SAMD12: variants seen among roughly 807,000 people sequenced by gnomAD.
SAMD12 encodes the protein sterile alpha motif domain containing 12, also known as sterile alpha motif domain-containing protein 12.
SAMD12 carries 9 observed loss-of-function variants against 15.0 expected under a neutral mutation model. That is an observed-to-expected ratio of 0.60 (90% CI 0.36 to 1.05). SAMD12 has a LOEUF of 1.05. Ranked by LOEUF, SAMD12 falls within the 50% of genes least tolerant of loss-of-function variation. The pLI is 0.01. For missense variants in SAMD12, 230 were observed against 234.2 expected (o/e 0.98, Z 0.12); for synonymous variants, 86 against 90.1 (o/e 0.96, Z 0.25).
At chr8:118,285,549 T>A (rs1027314993) in intron 4 of SAMD12, among the ~76,000 whole-genome samples, 2 of 152,186 alleles carry the variant, frequency 1.3e-5, no homozygotes, top group Non-Finnish European at 2.9e-5. Flanking sequence ...ATCCCTTCAA[T>A]GAACGCCCAC....
chr8:118,596,943 C>T (rs1827738543), intron 1 of SAMD12, among the ~76,000 whole-genome samples: 1 of 152,140 alleles, frequency 6.6e-6, no homozygotes, highest in Non-Finnish European at 1.5e-5. Context: ...AGACAGGAAA[C>T]CCCCACCTAG....
chr8:118,257,346 A>G (rs1201409040), intron 4 of SAMD12, among the ~76,000 whole-genome samples: 2 of 152,078 alleles, frequency 1.3e-5, no homozygotes, highest in African/African-American at 2.4e-5. Context: ...CCAGTGACCT[A>G]TCTGAAATGC....
chr8:118,225,133 A>G (rs1415238603), intron 4 of SAMD12, among the ~76,000 whole-genome samples: 3 of 152,202 alleles, frequency 2.0e-5, no homozygotes, highest in Non-Finnish European at 4.4e-5. Flanking sequence ...CTCAGGGGAT[A>G]AGACATTTTT....
chr8:118,610,506 G>C (rs890105832), intron 1 of SAMD12, among the ~76,000 whole-genome samples: 6 of 152,122 alleles, frequency 3.9e-5, no homozygotes, highest in Non-Finnish European at 7.4e-5. Context: ...ATCTTCTCTG[G>C]AGCTAAATTC....
intron 3 of SAMD12, among the ~76,000 whole-genome samples, chr8:118,386,162 T>C (rs192102195): frequency 1.7e-4 from 26 of 152,302 alleles, no homozygotes; most frequent in African/African-American, 5.8e-4. Flanking sequence ...TAGAAATTTA[T>C]TCCTCAGAGT....
At chr8:118,354,680 G>A (rs774762849) in intron 4 of SAMD12, among the ~76,000 whole-genome samples, 36 of 152,202 alleles carry the variant, frequency 2.4e-4, no homozygotes, top group Non-Finnish European at 4.9e-4. Flanking sequence ...CTGCTATGCT[G>A]AACAGTGCAG....
At position 118,533,431 on chromosome 8, in the gene SAMD12, A is replaced by C. The variant is rs530044914; in HGVS notation, c.192+47284T>G. Reference sequence around the variant, plus strand: ...TGTATATTCTGTTGATTTGGGGTGGAGAGTTCTGTAGATGTCTATTAGGTC... The same window carrying C: ...TGTATATTCTGTTGATTTGGGGTGGCGAGTTCTGTAGATGTCTATTAGGTC... On this transcript the variant is annotated intron_variant, in intron 2 of 3. Coordinates refer to ENST00000314727, the MANE Select transcript of SAMD12 (RefSeq NM_207506.3). 1.3e-3 allele frequency among the ~76,000 whole-genome samples: 194 copies of C among 152,270 alleles called. 1 individual carries two copies. Among genetic ancestry groups the C allele is most frequent in the African/African-American group, 4.4e-3 (183 of 41,554 alleles).
In SAMD12 at chr8:118,206,441, G is replaced by A. The variant is rs149710094; in HGVS notation, c.434-8709C>T. On this transcript the variant is annotated intron_variant, in intron 4 of 4. Coordinates refer to the SAMD12 transcript ENST00000409003. ...ATTTAGAGTGAGGCAGACAGGAGAAGCTATTCAACCCAGTCAAAGTCCTGG... is the reference window on the plus strand; with the variant it reads ...ATTTAGAGTGAGGCAGACAGGAGAAACTATTCAACCCAGTCAAAGTCCTGG... 1.6e-3 allele frequency among the ~76,000 whole-genome samples: 241 copies of A among 152,298 alleles called. 1 individual carries two copies. Among genetic ancestry groups the A allele is most frequent in the African/African-American group, 4.8e-3 (198 of 41,554 alleles).
chr8:118,610,223 A>C (rs765921334), intron 1 of SAMD12, among the ~76,000 whole-genome samples: 1 of 152,180 alleles, frequency 6.6e-6, no homozygotes, highest in African/African-American at 2.4e-5. Flanking sequence ...ACCAAGATAC[A>C]CACTTTATTA....
chr8:118,602,322 G>GCCCC (rs1426265849), intron 1 of SAMD12, among the ~76,000 whole-genome samples: 1 of 152,186 alleles, frequency 6.6e-6, no homozygotes, highest in Non-Finnish European at 1.5e-5. Context: ...GATTCAGAAA[G>GCCCC]CCCAATGCTG....
In SAMD12 at chr8:118,404,491, C is replaced by A. The variant is rs536322132; in HGVS notation, c.323-24791G>T. ...GGTGGTTGAAATAGTCTGAGACAGTCCTGATTTCAAAGCACCTTGATTGTT... is the reference window on the plus strand; with the variant it reads ...GGTGGTTGAAATAGTCTGAGACAGTACTGATTTCAAAGCACCTTGATTGTT... On this transcript the variant is annotated intron_variant, in intron 3 of 3. Coordinates refer to ENST00000314727, the MANE Select transcript of SAMD12 (RefSeq NM_207506.3). 8.5e-5 allele frequency among the ~76,000 whole-genome samples: 13 copies of A among 152,284 alleles called. No individual in the cohort carries two copies. The South Asian group carries it at 2.7e-3, about 32-fold the overall frequency.
At chr8:118,607,449 TG>T (rs1828012145) in intron 1 of SAMD12, among the ~76,000 whole-genome samples, 1 of 152,206 alleles carries the variant, frequency 6.6e-6, no homozygotes, top group Non-Finnish European at 1.5e-5. Flanking sequence ...TTGGTCAGGC[TG>T]GTCTTGATCT....
intron 3 of SAMD12, among the ~76,000 whole-genome samples, chr8:118,408,463 T>A (rs994810562): frequency 2.0e-5 from 3 of 152,142 alleles, no homozygotes; most frequent in Non-Finnish European, 4.4e-5. Flanking sequence ...GAGAGAAGTG[T>A]TCTGCTTTGG....
chr8:118,506,831 G>T (rs1042305362), intron 2 of SAMD12, among the ~76,000 whole-genome samples: 3 of 150,068 alleles, frequency 2.0e-5, no homozygotes, highest in South Asian at 2.1e-4. Context: ...AGTGTGACTG[G>T]CTGGGTGATG....
At chr8:118,344,655 T>C (rs1817543684) in intron 4 of SAMD12, among the ~76,000 whole-genome samples, 1 of 152,180 alleles carries the variant, frequency 6.6e-6, no homozygotes, top group Non-Finnish European at 1.5e-5. Flanking sequence ...TGATAAAGAA[T>C]AGGATAACAC....
At chr8:118,444,789 T>C (rs1269403707) in intron 2 of SAMD12, among the ~76,000 whole-genome samples, 1 of 152,212 alleles carries the variant, frequency 6.6e-6, no homozygotes, top group Non-Finnish European at 1.5e-5. Flanking sequence ...GATTCAACTA[T>C]CCTTTAGCTT....
At chr8:118,148,119 G>T in the SAMD12 span, among the ~76,000 whole-genome samples, 3 of 151,626 alleles carry the variant, frequency 2.0e-5, no homozygotes, top group Non-Finnish European at 2.9e-5. Flanking sequence ...TGGTAGAGAC[G>T]GGGTGTCACC....
chr8:118,203,873 T>C (rs1288774461), intron 4 of SAMD12, among the ~76,000 whole-genome samples: 3 of 151,966 alleles, frequency 2.0e-5, no homozygotes, highest in Non-Finnish European at 4.4e-5. Context: ...AGAATAATAG[T>C]TTCCAGCTTC....
intron 2 of SAMD12, among the ~76,000 whole-genome samples, chr8:118,492,122 C>CTT (rs543720456): frequency 0.055 from 7,228 of 132,100 alleles, 551 homozygotes; most frequent in African/African-American, 0.16. Flanking sequence ...CTGGTGTTGC[C>CTT]TTTTTTTTTT....
Sources: gnomAD v4.1 joint callset for allele counts (sites outside exome capture counted in the v4.1 genomes callset) on GRCh38, gnomAD v4.1.1 for gene constraint, MANE v1.5 for transcripts, NCBI Gene and HGNC (gene_info 2026-07-23, HGNC 2026-07-21) for gene names.